Variants in CCDC25 observed in about 807,000 individuals in gnomAD.
CCDC25 encodes coiled-coil domain containing 25.
A neutral mutation model predicts 35.3 loss-of-function variants in CCDC25; 16 were observed. The ratio of observed to expected loss-of-function variants is 0.45; its 90% CI spans 0.31 to 0.69. The LOEUF (loss-of-function observed/expected upper bound fraction) is 0.69, where lower values mean the gene tolerates loss of function less well. CCDC25 is among the 30% of genes least tolerant of loss of function. The pLI is 0.06. For synonymous variants in CCDC25, 79 were observed against 80.3 expected (o/e 0.98, Z 0.09); for missense variants, 179 against 250.7 (o/e 0.71, Z 1.93).
chr8:27,771,406 C>T lies in CCDC25; in HGVS notation c.28+1107G>A, dbSNP rs183258329. 2.8e-4 allele frequency among the ~76,000 whole-genome samples: 42 copies of T among 152,126 alleles called. No individual in the cohort carries two copies. In the East Asian group the frequency reaches 8.1e-3, roughly 29 times the overall value. ...ACTGGTATTCCCTATATATGTATACCTATGATAAAGTTAATGTATCAGTTC... is the reference window on the plus strand; with the variant it reads ...ACTGGTATTCCCTATATATGTATACTTATGATAAAGTTAATGTATCAGTTC... On this transcript the variant is annotated intron_variant, in intron 1 of 8. Coordinates refer to ENST00000356537, the MANE Select transcript of CCDC25 (RefSeq NM_018246.3).
In CCDC25 at chr8:27,748,576, A is replaced by G. The variant is rs1452575903; in HGVS notation, c.267T>C (p.Asn89=). The change falls in exon 6 of 9, where the codon AAT becomes AAC. Residue 89 remains asparagine (N), a synonymous_variant. Coordinates refer to ENST00000356537, the MANE Select transcript of CCDC25 (RefSeq NM_018246.3). ...SIQGCKMNNV[N]VVYTPWSNLK... Reference sequence around the variant, plus strand: ...GGTTAGACCACGGCGTATATACCACATTAACGTTGTTCATCTTGCAGCCTG... The same window carrying G: ...GGTTAGACCACGGCGTATATACCACGTTAACGTTGTTCATCTTGCAGCCTG... 1.9e-6 allele frequency: 3 copies of G among 1,613,762 alleles called. No homozygotes were observed. Among genetic ancestry groups the G allele is most frequent in the Non-Finnish European group, 2.5e-6 (3 of 1,179,792 alleles).
At chr8:27,748,651 G>T in intron 5 of CCDC25, 53 bp from the exon 6 acceptor site, 1 of 1,336,900 alleles carries the variant, frequency 7.5e-7, no homozygotes, top group Non-Finnish European at 1.1e-6. Context: ...TGAGCAATGT[G>T]TTCCCTTACC....
At chr8:27,738,428 CT>C (rs1369324904) in intron 8 of CCDC25, among the ~76,000 whole-genome samples, 9 of 152,152 alleles carry the variant, frequency 5.9e-5, no homozygotes, top group African/African-American at 2.2e-4. Context: ...GAATCTTGAA[CT>C]TGATTCATAC....
intron 7 of CCDC25, among the ~76,000 whole-genome samples, chr8:27,744,890 T>C (rs1803554990): frequency 6.6e-6 from 1 of 152,254 alleles, no homozygotes; most frequent in African/African-American, 2.4e-5. Context: ...TTCATGTCAA[T>C]GTTCAAATTG....
At chr8:27,762,571 A>G (rs927553799) in intron 2 of CCDC25, 113 bp from the exon 3 acceptor site, 8 of 852,228 alleles carry the variant, frequency 9.4e-6, no homozygotes, top group African/African-American at 8.6e-5. Flanking sequence ...CTCTCCCTCA[A>G]TGAAGAAGAG....
chr8:27,756,884 G>T, intron 3 of CCDC25, 114 bp from the exon 4 acceptor site: 1 of 740,134 alleles, frequency 1.4e-6, no homozygotes, highest in Non-Finnish European at 2.4e-6. Flanking sequence ...CCTGCCACAT[G>T]TGAAGCATCA....
intron 5 of CCDC25, among the ~76,000 whole-genome samples, chr8:27,749,971 C>T (rs1803737947): frequency 1.3e-5 from 2 of 152,274 alleles, no homozygotes; most frequent in African/African-American, 4.8e-5. Context: ...CTGTACTATT[C>T]TTGCAACTTT....
chr8:27,759,302 C>T (rs922519077), intron 3 of CCDC25, among the ~76,000 whole-genome samples: 6 of 152,102 alleles, frequency 3.9e-5, no homozygotes, highest in African/African-American at 1.4e-4. Flanking sequence ...TTTCTATTTT[C>T]CTACATTTAA....
chr8:27,762,018 T>C (rs1804245434), intron 3 of CCDC25, among the ~76,000 whole-genome samples: 1 of 152,178 alleles, frequency 6.6e-6, no homozygotes. Context: ...TGTGCTTCCT[T>C]TAAAGCTGGA....
chr8:27,749,013 A>G (rs983667343), intron 5 of CCDC25, among the ~76,000 whole-genome samples: 3 of 152,204 alleles, frequency 2.0e-5, no homozygotes, highest in African/African-American at 7.2e-5. Flanking sequence ...ATCCGGGACT[A>G]CCACGAGCTA....
At chr8:27,770,033 A>G (rs1239050159) in intron 1 of CCDC25, among the ~76,000 whole-genome samples, 2 of 152,162 alleles carry the variant, frequency 1.3e-5, no homozygotes, top group African/African-American at 4.8e-5. Context: ...AATCCCAGCT[A>G]CTTGGGAGAC....
intron 5 of CCDC25, 107 bp from the exon 6 acceptor site, chr8:27,748,705 C>A: frequency 1.3e-6 from 1 of 777,064 alleles, no homozygotes; most frequent in Non-Finnish European, 2.2e-6. Context: ...CGGCTTAGAA[C>A]GAACAGGCCA....
intron 7 of CCDC25, among the ~76,000 whole-genome samples, chr8:27,742,432 C>T (rs1803470162): frequency 1.3e-5 from 2 of 152,334 alleles, no homozygotes; most frequent in South Asian, 2.1e-4. Context: ...GTGGTGAGAA[C>T]AGAGAATGTC....
At chr8:27,742,719 T>A (rs950788197) in intron 7 of CCDC25, among the ~76,000 whole-genome samples, 2 of 152,032 alleles carry the variant, frequency 1.3e-5, no homozygotes, top group African/African-American at 4.8e-5. Context: ...ATACAAAAAT[T>A]AGCCAGGCGT....
intron 3 of CCDC25, among the ~76,000 whole-genome samples, chr8:27,758,902 C>A (rs910357627): frequency 6.6e-6 from 1 of 152,044 alleles, no homozygotes; most frequent in East Asian, 1.9e-4. Flanking sequence ...GCAACTTTAT[C>A]AATATACACC....
At chr8:27,768,710 A>G (rs1804487792) in intron 1 of CCDC25, among the ~76,000 whole-genome samples, 1 of 152,220 alleles carries the variant, frequency 6.6e-6, no homozygotes, top group South Asian at 2.1e-4. Context: ...TCTAAATAAT[A>G]TGGTTGATTA....
Position 27,747,071 on chromosome 8 carries a change from C to T in CCDC25, c.551+1006G>A, listed in dbSNP as rs556854633. Among the ~76,000 whole-genome samples, 103 of 152,220 alleles carry T rather than the reference C, an allele frequency of 6.8e-4. 1 individual carries two copies. The highest frequency in any genetic ancestry group is 1.9e-3 in the African/African-American group (79 of 41,530). Reference sequence around the variant, plus strand: ...ATCTAGGAGTTCTGTGATGAGAATTCGCAGGATTAATTTCCTTTAATTAGA... The same window carrying T: ...ATCTAGGAGTTCTGTGATGAGAATTTGCAGGATTAATTTCCTTTAATTAGA... On this transcript the variant is annotated intron_variant, in intron 7 of 8. Transcript: ENST00000356537.
At chr8:27,757,937 C>A (rs1318749898) in intron 3 of CCDC25, among the ~76,000 whole-genome samples, 1 of 152,148 alleles carries the variant, frequency 6.6e-6, no homozygotes, top group Non-Finnish European at 1.5e-5. Flanking sequence ...CCCCGGCACC[C>A]TGCTCCTGCC....
Position 27,763,353 on chromosome 8 carries a change from A to G in CCDC25, c.77-895T>C, listed in dbSNP as rs189063477. ...AAAGGTTATATCAATAAATATTTCT[A>G]CAGCCATATTAATAATTAGTAATAA... On this transcript the variant is annotated intron_variant, in intron 2 of 8. Coordinates refer to ENST00000356537, the MANE Select transcript of CCDC25 (RefSeq NM_018246.3). Among the ~76,000 whole-genome samples the G allele has an allele frequency of 8.5e-5, 13 of 152,388 alleles. No individual in the cohort carries two copies. In the East Asian group the frequency reaches 2.5e-3, roughly 29 times the overall value.
Sources: allele counts gnomAD v4.1 joint callset (sites outside exome capture counted in the v4.1 genomes callset), GRCh38; gene constraint gnomAD v4.1.1; transcripts MANE v1.5; gene names NCBI Gene and HGNC (gene_info 2026-07-23, HGNC 2026-07-21).